ETV6: variants seen among roughly 807,000 people sequenced by gnomAD.
ETV6 encodes transcription factor ETV6.
Under a neutral mutation model 51.1 loss-of-function variants are expected in ETV6, and 16 were observed. The ratio of observed to expected loss-of-function variants is 0.31; its 90% CI spans 0.21 to 0.48. The LOEUF is 0.48. ETV6 is among the 20% of genes least tolerant of loss of function. The pLI is 0.99. For missense variants in ETV6, 458 were observed against 594.8 expected, an observed-to-expected ratio of 0.77 and a Z score of 2.39; for synonymous variants, 240 against 224.1, an observed-to-expected ratio of 1.07 and a Z score of -0.64.
chr12:11,668,919 C>G (rs189046803), intron 1 of ETV6, among the ~76,000 whole-genome samples: 3 of 152,156 alleles, frequency 2.0e-5, no homozygotes, highest in East Asian at 1.9e-4. Flanking sequence ...GGCAGCTGCC[C>G]GTCTGCTCCT....
At chr12:11,809,516 G>GGT (rs1257271333) in intron 2 of ETV6, among the ~76,000 whole-genome samples, 1 of 152,110 alleles carries the variant, frequency 6.6e-6, no homozygotes, top group Non-Finnish European at 1.5e-5. Context: ...CTTGACTTAA[G>GGT]GTACATGTTT....
At chr12:11,661,801 T>A (rs568293871) in intron 1 of ETV6, among the ~76,000 whole-genome samples, 1 of 152,334 alleles carries the variant, frequency 6.6e-6, no homozygotes, top group South Asian at 2.1e-4. Flanking sequence ...GTGTTCTGCC[T>A]CTTTGCATTT....
intron 2 of ETV6, among the ~76,000 whole-genome samples, chr12:11,764,915 A>G (rs1565517410): frequency 6.6e-6 from 1 of 152,166 alleles, no homozygotes. Context: ...TAAAGAGGAA[A>G]AGGAACTTGA....
intron 3 of ETV6, among the ~76,000 whole-genome samples, chr12:11,850,688 A>G (rs1946540533): frequency 6.6e-6 from 1 of 152,264 alleles, no homozygotes; most frequent in Non-Finnish European, 1.5e-5. Context: ...GGTAGATGCC[A>G]TCAACACTGC....
chr12:11,770,245 G>A (rs1206764757), intron 2 of ETV6, among the ~76,000 whole-genome samples: 8 of 152,050 alleles, frequency 5.3e-5, no homozygotes, highest in Non-Finnish European at 8.8e-5. Context: ...ATATTGGGAG[G>A]TGACAGTGCC....
intron 2 of ETV6, among the ~76,000 whole-genome samples, chr12:11,814,398 T>G (rs1418458784): frequency 6.6e-6 from 1 of 152,190 alleles, no homozygotes; most frequent in African/African-American, 2.4e-5. Context: ...CTACAGATCA[T>G]TCGATCTCAA....
intron 4 of ETV6, among the ~76,000 whole-genome samples, chr12:11,856,205 G>A (rs188084135): frequency 1.1e-4 from 16 of 152,234 alleles, no homozygotes; most frequent in Admixed American, 3.3e-4. Flanking sequence ...AGAGCTGCTC[G>A]CAAACCAAGT....
chr12:11,825,052 C>T (rs1489081405), intron 2 of ETV6, among the ~76,000 whole-genome samples: 2 of 152,130 alleles, frequency 1.3e-5, no homozygotes, highest in Non-Finnish European at 2.9e-5. Context: ...AATAGCATCC[C>T]TCAAGAAAGC....
chr12:11,747,682 G>GA (rs1230826337), intron 1 of ETV6, among the ~76,000 whole-genome samples: 1 of 152,022 alleles, frequency 6.6e-6, no homozygotes, highest in Admixed American at 6.5e-5. Flanking sequence ...TTTTTCAAGT[G>GA]AAAAAAATGT....
At chr12:11,877,226 G>A (rs538814769) in intron 5 of ETV6, among the ~76,000 whole-genome samples, 38 of 152,262 alleles carry the variant, frequency 2.5e-4, no homozygotes, top group South Asian at 6.2e-4. Context: ...CTGTATTCTG[G>A]CATCTTGCTT....
At chr12:11,798,861 G>A (rs775559746) in intron 2 of ETV6, among the ~76,000 whole-genome samples, 5 of 152,172 alleles carry the variant, frequency 3.3e-5, no homozygotes. Context: ...GGAGATAGGA[G>A]TTAATTCAGT....
chr12:11,808,160 C>T (rs1465479107), intron 2 of ETV6, among the ~76,000 whole-genome samples: 2 of 152,312 alleles, frequency 1.3e-5, no homozygotes, highest in East Asian at 1.9e-4. Context: ...GGATGGCATA[C>T]GTAGTTCATT....
At chr12:11,696,172 ATTTC>A (rs1486125481) in intron 1 of ETV6, among the ~76,000 whole-genome samples, 3 of 152,142 alleles carry the variant, frequency 2.0e-5, no homozygotes, top group African/African-American at 4.8e-5. Context: ...AAGAGTTTTT[ATTTC>A]TTTTTTCTGT....
chr12:11,696,454 G>A (rs2120818204), intron 1 of ETV6, among the ~76,000 whole-genome samples: 1 of 152,324 alleles, frequency 6.6e-6, no homozygotes, highest in Middle Eastern at 3.4e-3. Flanking sequence ...TCATGGAGTT[G>A]CAATAAAAAC....
Position 11,706,120 on chromosome 12 carries a change from A to C in ETV6, c.34-46330A>C, listed in dbSNP as rs78074352. 8.7e-4 allele frequency among the ~76,000 whole-genome samples: 132 copies of C among 152,360 alleles called. 1 individual carries two copies. The East Asian group carries it at 0.019, about 22-fold the overall frequency. On this transcript the variant is annotated intron_variant, in intron 1 of 7. Transcript: ENST00000396373. ...GCGAACGTTCCTTCTGTTGAGGTGCATCAGCCTTGCATCTGAGTTCTTGAT... is the reference window on the plus strand; with the variant it reads ...GCGAACGTTCCTTCTGTTGAGGTGCCTCAGCCTTGCATCTGAGTTCTTGAT...
At chr12:11,878,707 A>G (rs1947033692) in intron 5 of ETV6, among the ~76,000 whole-genome samples, 1 of 151,910 alleles carries the variant, frequency 6.6e-6, no homozygotes, top group Non-Finnish European at 1.5e-5. Flanking sequence ...AGCCACGGCA[A>G]AGCACAAGCA....
chr12:11,710,252 C>T (rs1397397265), intron 1 of ETV6, among the ~76,000 whole-genome samples: 1 of 151,966 alleles, frequency 6.6e-6, no homozygotes, highest in African/African-American at 2.4e-5. Context: ...GACCGTTATT[C>T]CCTCCCCAGC....
At chr12:11,783,482 T>C (rs184732578) in intron 2 of ETV6, among the ~76,000 whole-genome samples, 51 of 152,126 alleles carry the variant, frequency 3.4e-4, no homozygotes, top group East Asian at 1.4e-3. Context: ...TCTTACTGGA[T>C]TGGAATCGAG....
intron 2 of ETV6, among the ~76,000 whole-genome samples, chr12:11,830,144 T>A (rs755087812): frequency 6.6e-6 from 1 of 152,092 alleles, no homozygotes; most frequent in Non-Finnish European, 1.5e-5. Context: ...AGGGAAGAAC[T>A]CTAAGTAAAC....
Sources: gnomAD v4.1 joint callset for allele counts (sites outside exome capture counted in the v4.1 genomes callset) on GRCh38, gnomAD v4.1.1 for gene constraint, MANE v1.5 for transcripts, NCBI Gene and HGNC (gene_info 2026-07-23, HGNC 2026-07-21) for gene names.